Variants in CACNA1A observed in about 807,000 individuals in gnomAD.
The protein encoded by CACNA1A is voltage-dependent P/Q-type calcium channel subunit alpha-1A.
CACNA1A carries 57 observed loss-of-function variants against 262.4 expected under a neutral mutation model. The observed-to-expected ratio is 0.22, with a 90% CI of 0.18 to 0.27. CACNA1A has a LOEUF of 0.27. Ranked by LOEUF, CACNA1A falls within the 10% of genes least tolerant of loss-of-function variation. CACNA1A has a pLI of 1.00. For synonymous variants in CACNA1A, 1,431 were observed against 1,419.3 expected (o/e 1.01, Z -0.18); for missense variants, 2,526 against 3,562.8 (o/e 0.71, Z 7.41).
intron 31 of CACNA1A, among the ~76,000 whole-genome samples, chr19:13,242,875 T>G (rs531991244): frequency 1.3e-5 from 2 of 152,312 alleles, no homozygotes; most frequent in South Asian, 4.1e-4. Flanking sequence ...ATCAAACAGC[T>G]GGTAGGGAGG....
At chr19:13,399,925 C>T (rs1376982299) in intron 3 of CACNA1A, among the ~76,000 whole-genome samples, 1 of 152,154 alleles carries the variant, frequency 6.6e-6, no homozygotes. Flanking sequence ...TTCCTGGAGC[C>T]AGGCTAAGCC....
intron 9 of CACNA1A, among the ~76,000 whole-genome samples, chr19:13,331,875 G>A (rs2058475327): frequency 6.6e-6 from 1 of 151,958 alleles, no homozygotes; most frequent in Admixed American, 6.6e-5. Flanking sequence ...GCCCAGGCTG[G>A]TCTTGAACTC....
intron 1 of CACNA1A, among the ~76,000 whole-genome samples, chr19:13,473,716 T>C (rs959210845): frequency 3.9e-5 from 6 of 151,912 alleles, no homozygotes; most frequent in South Asian, 2.1e-4. Flanking sequence ...GTCCCCACCA[T>C]GTACATCCCA....
chr19:13,321,930 C>T (rs1032519908), intron 10 of CACNA1A, among the ~76,000 whole-genome samples: 4 of 152,140 alleles, frequency 2.6e-5, no homozygotes, highest in South Asian at 4.2e-4. Flanking sequence ...GGGCCAGGTG[C>T]GGTGGGCTCG....
intron 23 of CACNA1A, among the ~76,000 whole-genome samples, 181 bp from the exon 24 acceptor site, chr19:13,276,137 G>A (rs905745132): frequency 2.6e-5 from 4 of 152,162 alleles, no homozygotes; most frequent in Non-Finnish European, 4.4e-5. Flanking sequence ...CCCATGAGGC[G>A]GCCCCCCTTT....
intron 34 of CACNA1A, among the ~76,000 whole-genome samples, chr19:13,232,852 C>T (rs947609726): frequency 1.3e-5 from 2 of 151,320 alleles, no homozygotes; most frequent in African/African-American, 2.4e-5. Flanking sequence ...AGTTTGAGAA[C>T]GGCCTGACCA....
At chr19:13,345,456 C>T (rs1327172816) in intron 6 of CACNA1A, among the ~76,000 whole-genome samples, 4 of 152,166 alleles carry the variant, frequency 2.6e-5, no homozygotes, top group Admixed American at 1.3e-4. Flanking sequence ...ATCCCAGTAT[C>T]GCTGGTGGTG....
intron 10 of CACNA1A, among the ~76,000 whole-genome samples, chr19:13,324,704 C>T (rs1221596079): frequency 7.2e-6 from 1 of 138,862 alleles, no homozygotes; most frequent in Non-Finnish European, 1.5e-5. Context: ...CCCATCTCAA[C>T]AACAACATCA....
At chr19:13,397,968 C>T (rs975282588) in intron 3 of CACNA1A, among the ~76,000 whole-genome samples, 2 of 151,926 alleles carry the variant, frequency 1.3e-5, no homozygotes, top group African/African-American at 4.8e-5. Context: ...TTTAAGAATA[C>T]ATTTTTTTTT....
intron 10 of CACNA1A, among the ~76,000 whole-genome samples, chr19:13,326,855 G>A (rs2058372749): frequency 6.7e-6 from 1 of 149,890 alleles, no homozygotes; most frequent in South Asian, 2.1e-4. Flanking sequence ...ATACCACATA[G>A]CTCCCACCTT....
At chr19:13,493,050 G>A (rs931524702) in intron 1 of CACNA1A, among the ~76,000 whole-genome samples, 2 of 152,180 alleles carry the variant, frequency 1.3e-5, no homozygotes, top group African/African-American at 4.8e-5. Flanking sequence ...GAGAGAAGGG[G>A]AGGCCGCCGC....
At chr19:13,392,480 C>A (rs924632886) in intron 3 of CACNA1A, among the ~76,000 whole-genome samples, 1 of 152,122 alleles carries the variant, frequency 6.6e-6, no homozygotes, top group Non-Finnish European at 1.5e-5. Flanking sequence ...TGGATGAATC[C>A]AATTGATGGA....
intron 22 of CACNA1A, among the ~76,000 whole-genome samples, chr19:13,282,706 G>A (rs564273569): frequency 2.6e-5 from 4 of 152,024 alleles, no homozygotes; most frequent in South Asian, 2.1e-4. Context: ...TTGGGGGGGC[G>A]CATTGTGAGG....
intron 1 of CACNA1A, among the ~76,000 whole-genome samples, chr19:13,470,105 C>T (rs1004028518): frequency 2.0e-5 from 3 of 152,102 alleles, no homozygotes; most frequent in South Asian, 2.1e-4. Flanking sequence ...GACACCCGTG[C>T]ATATTGGTAT....
intron 6 of CACNA1A, among the ~76,000 whole-genome samples, chr19:13,346,662 A>T (rs1323876520): frequency 0.064 from 368 of 5,760 alleles, 30 homozygotes; most frequent in Middle Eastern, 0.17. Context: ...ATATATATAT[A>T]TATATTTTTT....
intron 3 of CACNA1A, among the ~76,000 whole-genome samples, chr19:13,406,717 G>C (rs544564528): frequency 1.1e-4 from 17 of 150,948 alleles, no homozygotes; most frequent in Admixed American, 6.0e-4. Context: ...GGCAGGAGGA[G>C]TCCTTCACAT....
intron 3 of CACNA1A, among the ~76,000 whole-genome samples, chr19:13,393,463 G>A (rs951820675): frequency 6.6e-6 from 1 of 151,976 alleles, no homozygotes; most frequent in Non-Finnish European, 1.5e-5. Flanking sequence ...GAGGCACAAG[G>A]GGGTTTCTAA....
Position 13,332,914 on chromosome 19 carries a change from G to C in CACNA1A, c.1210C>G (p.Leu404Val). 6.2e-7 allele frequency: 1 copy of C among 1,612,312 alleles called. No homozygotes were observed. Among genetic ancestry groups the C allele is most frequent in the Non-Finnish European group, 8.5e-7 (1 of 1,178,816 alleles). Residue 404 changes from leucine (L) to valine (V), a missense_variant, in exon 9 of 47, where the codon CTC (leucine) becomes GTC (valine). Physicochemically the swap from Leu to Val is conservative, Grantham distance 32. Transcript: ENST00000360228. Reference protein sequence around the residue: ...EWISKAEEVILAEDETDGEQR... With the variant: ...EWISKAEEVIVAEDETDGEQR... ...TCCCCGTCAGTTTCATCCTCGGCGA[G>C]GATCACCTCTTCTGAAGAGGAAGAG...
chr19:13,406,663 A>C (rs1384742125), intron 3 of CACNA1A, among the ~76,000 whole-genome samples: 4 of 150,144 alleles, frequency 2.7e-5, no homozygotes, highest in Non-Finnish European at 5.9e-5. Flanking sequence ...TTGCCCTTTG[A>C]TACTGCACTG....
Sources: gnomAD v4.1 joint callset for allele counts (sites outside exome capture counted in the v4.1 genomes callset) on GRCh38, gnomAD v4.1.1 for gene constraint, MANE v1.5 for transcripts, NCBI Gene and HGNC (gene_info 2026-07-23, HGNC 2026-07-21) for gene names.